The following AGMO variants were observed in gnomAD, a reference collection of about 807,000 sequenced individuals.
AGMO encodes the protein alkylglycerol monooxygenase.
A neutral mutation model predicts 60.2 loss-of-function variants in AGMO; 75 were observed. The ratio of observed to expected loss-of-function variants is 1.25; its 90% confidence interval spans 1.03 to 1.51. The LOEUF is 1.51. Among genes scored for constraint, AGMO ranks in the 40% most tolerant of loss-of-function variants. The probability of loss-of-function intolerance (pLI) is 0.00; values close to 1 mark genes in which losing one functional copy is unlikely to be tolerated. For synonymous variants in AGMO, 261 were observed against 177.1 expected (o/e 1.47, Z -3.76); for missense variants, 763 against 525.5 (o/e 1.45, Z -4.42).
At chr7:15,360,155 C>G (rs1286140041) in intron 12 of AGMO, among the ~76,000 whole-genome samples, 1 of 152,150 alleles carries the variant, frequency 6.6e-6, no homozygotes, top group African/African-American at 2.4e-5. Flanking sequence ...GTAGGTACTA[C>G]TTTTATTATT....
the AGMO span, among the ~76,000 whole-genome samples, chr7:15,166,039 C>T: frequency 1.3e-5 from 2 of 152,048 alleles, no homozygotes; most frequent in African/African-American, 4.8e-5. Context: ...GAGCATGATA[C>T]GTTGCTAACA....
chr7:15,494,494 A>G (rs1388477853), intron 3 of AGMO, among the ~76,000 whole-genome samples: 6 of 152,202 alleles, frequency 3.9e-5, no homozygotes, highest in Admixed American at 3.9e-4. Flanking sequence ...ACTAATTACT[A>G]TGTGTCGGCT....
chr7:15,333,391 T>A (rs953071469), intron 12 of AGMO, among the ~76,000 whole-genome samples: 4 of 152,074 alleles, frequency 2.6e-5, no homozygotes, highest in East Asian at 1.9e-4. Flanking sequence ...ATTTCATAAG[T>A]AAGAAATAAA....
chr7:15,277,514 T>G (rs1783837459), intron 12 of AGMO, among the ~76,000 whole-genome samples: 1 of 149,930 alleles, frequency 6.7e-6, no homozygotes, highest in African/African-American at 2.5e-5. Context: ...CTTTTGGATT[T>G]GTTTTCATTT....
chr7:15,230,911 A>T (rs1343786340), intron 12 of AGMO, among the ~76,000 whole-genome samples: 1 of 152,142 alleles, frequency 6.6e-6, no homozygotes, highest in Non-Finnish European at 1.5e-5. Context: ...AAATGGAACG[A>T]GGGAAGTCAT....
At chr7:15,401,383 A>C (rs1054181594) in intron 5 of AGMO, among the ~76,000 whole-genome samples, 1 of 152,132 alleles carries the variant, frequency 6.6e-6, no homozygotes, top group Non-Finnish European at 1.5e-5. Context: ...AGATGCAATT[A>C]ACTGGTGATT....
At chr7:15,148,983 T>C in the AGMO span, among the ~76,000 whole-genome samples, 1 of 152,190 alleles carries the variant, frequency 6.6e-6, no homozygotes, top group African/African-American at 2.4e-5. Flanking sequence ...CTAACACCTG[T>C]TATTTTCTGA....
intron 12 of AGMO, among the ~76,000 whole-genome samples, chr7:15,346,858 GTAAC>G (rs1442300774): frequency 1.4e-5 from 2 of 143,750 alleles, no homozygotes; most frequent in Admixed American, 6.9e-5. Context: ...TTAGTAGTAA[GTAAC>G]TATTTTGTAT....
chr7:15,118,876 ATTTTTTTTTTTTTTTTTTTTTTTT>A, the AGMO span, among the ~76,000 whole-genome samples: 2 of 81,732 alleles, frequency 2.4e-5, no homozygotes, highest in Non-Finnish European at 4.7e-5. Flanking sequence ...AGACGTCAGT[ATTTTTTTTTTTTTTTTTTTTTTTT>A]TTTTTTTTTT....
intron 12 of AGMO, among the ~76,000 whole-genome samples, chr7:15,332,779 ATATT>A (rs561727685): frequency 1.5e-3 from 221 of 152,292 alleles, no homozygotes; most frequent in African/African-American, 3.6e-3. Context: ...AAAATGGCTT[ATATT>A]TATTAATAAA....
chr7:15,406,720 T>TA (rs1784708450), intron 5 of AGMO, among the ~76,000 whole-genome samples: 1 of 79,038 alleles, frequency 1.3e-5, no homozygotes, highest in Non-Finnish European at 2.6e-5. Flanking sequence ...TGTATATATA[T>TA]GTATATACAC....
chr7:15,308,617 A>C (rs1780681124), intron 12 of AGMO, among the ~76,000 whole-genome samples: 2 of 152,164 alleles, frequency 1.3e-5, no homozygotes, highest in African/African-American at 2.4e-5. Flanking sequence ...ATTATTTTTC[A>C]CCAGAGCAAT....
intron 3 of AGMO, among the ~76,000 whole-genome samples, chr7:15,479,324 A>G (rs1782686534): frequency 6.6e-6 from 1 of 152,166 alleles, no homozygotes; most frequent in Non-Finnish European, 1.5e-5. Flanking sequence ...TTGAATACAC[A>G]GGTGATATCA....
the AGMO span, among the ~76,000 whole-genome samples, chr7:15,167,254 AT>A: frequency 6.6e-6 from 1 of 152,204 alleles, no homozygotes; most frequent in Admixed American, 6.5e-5. Context: ...TGATTGGTAA[AT>A]TTTGGTTATA....
chr7:15,160,867 A>G, the AGMO span, among the ~76,000 whole-genome samples: 1 of 152,322 alleles, frequency 6.6e-6, no homozygotes, highest in East Asian at 1.9e-4. Context: ...TGAGTAATTT[A>G]CAATGAACAA....
At chr7:15,283,145 TA>T (rs909855692) in intron 12 of AGMO, among the ~76,000 whole-genome samples, 13 of 152,150 alleles carry the variant, frequency 8.5e-5, no homozygotes, top group Non-Finnish European at 1.3e-4. Context: ...CTTAAAAGCA[TA>T]AAACTCACAG....
chr7:15,314,466 A>G (rs1034557355), intron 12 of AGMO, among the ~76,000 whole-genome samples: 4 of 152,144 alleles, frequency 2.6e-5, no homozygotes, highest in African/African-American at 9.7e-5. Flanking sequence ...CCTAATTCTT[A>G]AATTAAGACT....
chr7:15,302,045 T>A (rs1329028181), intron 12 of AGMO, among the ~76,000 whole-genome samples: 1 of 152,194 alleles, frequency 6.6e-6, no homozygotes, highest in Non-Finnish European at 1.5e-5. Context: ...TATAGTATAA[T>A]GAGATTTGAT....
At chr7:15,241,459 CAA>C (rs61727790) in intron 12 of AGMO, among the ~76,000 whole-genome samples, 207 of 51,296 alleles carry the variant, frequency 4.0e-3, no homozygotes, top group African/African-American at 0.015. Context: ...GACTCCGTCT[CAA>C]AAAAAAAAAA....
Sources: allele counts gnomAD v4.1 joint callset (sites outside exome capture counted in the v4.1 genomes callset), GRCh38; gene constraint gnomAD v4.1.1; transcripts MANE v1.5; gene names NCBI Gene and HGNC (gene_info 2026-07-23, HGNC 2026-07-21).